ARPC5L: variants seen among roughly 807,000 people sequenced by gnomAD.
ARPC5L encodes actin-related protein 2/3 complex subunit 5-like protein.
ARPC5L carries 4 observed loss-of-function variants against 16.9 expected under a neutral mutation model. The observed-to-expected ratio is 0.24, with a 90% CI of 0.12 to 0.54. ARPC5L has a LOEUF of 0.54. Among genes scored for constraint, ARPC5L ranks in the 20% least tolerant of loss-of-function variants. The pLI is 0.95. For synonymous variants in ARPC5L, 78 were observed against 82.6 expected (o/e 0.94, Z 0.30); for missense variants, 151 against 201.9 (o/e 0.75, Z 1.53).
intron 2 of ARPC5L, 40 bp from the exon 3 acceptor site, chr9:124,868,388 G>A (rs1047135966): frequency 6.6e-6 from 1 of 152,202 alleles, no homozygotes; most frequent in African/African-American, 2.4e-5. Flanking sequence ...GCACCTCAGA[G>A]TCGTCCTTGA....
At chr9:124,865,020 C>T (rs1411343680) in intron 2 of ARPC5L, among the ~76,000 whole-genome samples, 6 of 151,682 alleles carry the variant, frequency 4.0e-5, no homozygotes, top group African/African-American at 7.3e-5. Context: ...TTAGTAGAGA[C>T]GGCATTTCAC....
chr9:124,874,986 G>A lies in ARPC5L; in HGVS notation c.234G>A (p.Gln78=). 1 of 1,613,914 alleles carries A rather than the reference G, an allele frequency of 6.2e-7. No individual in the cohort carries two copies. Among genetic ancestry groups the A allele is most frequent in the South Asian group, 1.1e-5 (1 of 91,078 alleles). The change falls in exon 5 of 6, where the codon CAG becomes CAA. Residue 78 remains glutamine, a synonymous_variant. Coordinates refer to ENST00000353214, the MANE Select transcript of ARPC5L (RefSeq NM_030978.3). ...TKNQAVKERA[Q]GVVLKVLTNF... Reference sequence around the variant, plus strand: ...TTTTTCGTCTGCAGGAGCGAGCCCAGGGCGTGGTGCTGAAAGTGCTCACAA... The same window carrying A: ...TTTTTCGTCTGCAGGAGCGAGCCCAAGGCGTGGTGCTGAAAGTGCTCACAA...
intron 2 of ARPC5L, among the ~76,000 whole-genome samples, chr9:124,864,667 C>T (rs950724453): frequency 1.6e-4 from 24 of 151,594 alleles, no homozygotes; most frequent in African/African-American, 4.6e-4. Flanking sequence ...TGTGAGCTGC[C>T]GCGCCTGGCC....
Position 124,876,402 on chromosome 9 carries a change from G to A in ARPC5L, c.400-476G>A, listed in dbSNP as rs534071804. ...CTCGGGAGGCTGAGGCAGGAGAAGC[G>A]CTTGAACTGGGGAGGCAGGGTTGCA... On this transcript the variant is annotated intron_variant, in intron 5 of 5. Coordinates refer to ENST00000353214, the MANE Select transcript of ARPC5L (RefSeq NM_030978.3). 1.2e-4 allele frequency among the ~76,000 whole-genome samples: 18 copies of A among 152,080 alleles called. 1 individual carries two copies. In the South Asian group the frequency reaches 2.7e-3, roughly 23 times the overall value.
chr9:124,869,243 A>G lies in ARPC5L; in HGVS notation c.-48A>G, dbSNP rs925133035. On this transcript the variant is annotated 5_prime_UTR_variant, in exon 3 of 6. Transcript: ENST00000353214. ...AGCCGGTGCGAGCGGAGCAGAGCCG[A>G]GGTCGGGCCGCGAGCGGAGCCGGCT... is the stretch of plus-strand genomic sequence containing the variant. The G allele has an allele frequency of 4.7e-6, 7 of 1,478,800 alleles. No individual in the cohort carries two copies. In the Admixed American group the frequency reaches 9.5e-5, roughly 20 times the overall value. The allele number at this position is 1,478,800 out of a possible 1,614,324, so 91.6% of individuals were successfully genotyped here. A position where few individuals can be genotyped will look rare whatever the true frequency, so the allele number is the denominator to read the frequency against.
intron 3 of ARPC5L, among the ~76,000 whole-genome samples, chr9:124,871,042 A>G (rs1829349815): frequency 6.6e-6 from 1 of 152,176 alleles, no homozygotes; most frequent in African/African-American, 2.4e-5. Flanking sequence ...CCTGGCAAAT[A>G]CGGGGCCCAG....
intron 2 of ARPC5L, among the ~76,000 whole-genome samples, chr9:124,867,144 T>G (rs1829280964): frequency 1.4e-5 from 2 of 141,372 alleles, no homozygotes; most frequent in South Asian, 4.8e-4. Flanking sequence ...GGGACACCTT[T>G]TTTTTTTTTT....
intron 2 of ARPC5L, among the ~76,000 whole-genome samples, chr9:124,866,228 A>G (rs1417174512): frequency 6.6e-6 from 1 of 151,614 alleles, no homozygotes; most frequent in African/African-American, 2.4e-5. Context: ...ACATGGTGAA[A>G]CCCTGTCTCT....
chr9:124,863,686 T>G (rs1829234871), intron 1 of ARPC5L, among the ~76,000 whole-genome samples: 2 of 152,202 alleles, frequency 1.3e-5, no homozygotes, highest in East Asian at 3.8e-4. Flanking sequence ...AAGGAACACT[T>G]CAGTAGAGCC....
chr9:124,867,222 A>G (rs969936448), intron 2 of ARPC5L, among the ~76,000 whole-genome samples: 2 of 148,348 alleles, frequency 1.3e-5, no homozygotes, highest in African/African-American at 5.0e-5. Context: ...GCTCACTGCA[A>G]CCTCTGCCTC....
At chr9:124,876,777 C>T (rs940432344) in intron 5 of ARPC5L, 101 bp from the exon 6 acceptor site, 30 of 903,278 alleles carry the variant, frequency 3.3e-5, no homozygotes, top group African/African-American at 8.5e-5. Flanking sequence ...GGATCTGTGA[C>T]GGGATCTAGG....
chr9:124,875,282 C>A (rs1415332386), intron 5 of ARPC5L, 131 bp downstream of exon 5: 1 of 1,021,752 alleles, frequency 9.8e-7, no homozygotes, highest in Non-Finnish European at 1.4e-6. Context: ...GAGCCCCAAC[C>A]TGGGACATGT....
chr9:124,875,208 T>A, intron 5 of ARPC5L, 57 bp downstream of exon 5: 1 of 1,571,732 alleles, frequency 6.4e-7, no homozygotes, highest in South Asian at 1.2e-5. Context: ...TGGGGTTCGA[T>A]CAGCAGGCCA....
chr9:124,870,228 C>G (rs1460383039), intron 3 of ARPC5L, among the ~76,000 whole-genome samples: 2 of 152,180 alleles, frequency 1.3e-5, no homozygotes, highest in Non-Finnish European at 2.9e-5. Flanking sequence ...AGTGGAGCCC[C>G]ACGCCTGGAA....
At chr9:124,875,901 G>A (rs1182083392) in intron 5 of ARPC5L, among the ~76,000 whole-genome samples, 1 of 152,198 alleles carries the variant, frequency 6.6e-6, no homozygotes, top group African/African-American at 2.4e-5. Flanking sequence ...AGGTGGTGTG[G>A]GTGCTGGGCT....
At position 124,863,453 on chromosome 9, in the gene ARPC5L, G is replaced by A. The variant is rs550437303; in HGVS notation, c.-983-535G>A. Among the ~76,000 whole-genome samples the A allele has an allele frequency of 1.1e-4, 17 of 152,280 alleles. No homozygotes were observed. In the South Asian group the frequency reaches 1.7e-3, roughly 15 times the overall value. ...TGAGCCACTGCGCCCGGCTAGTACA[G>A]CCTTTTTTAAAGTGAACCTGACCAG... On this transcript the variant is annotated intron_variant, in intron 1 of 5. Transcript: ENST00000353214.
At chr9:124,876,446 A>T (rs934673409) in intron 5 of ARPC5L, among the ~76,000 whole-genome samples, 10 of 152,138 alleles carry the variant, frequency 6.6e-5, no homozygotes, top group Non-Finnish European at 1.0e-4. Context: ...AGATCGTGCC[A>T]TTGCACTCCA....
At chr9:124,875,252 G>A (rs1273842284) in intron 5 of ARPC5L, 101 bp downstream of exon 5, 12 of 1,344,004 alleles carry the variant, frequency 8.9e-6, no homozygotes, top group Admixed American at 2.2e-5. Flanking sequence ...CGGTCTGATA[G>A]GCGTGTGGGG....
intron 3 of ARPC5L, among the ~76,000 whole-genome samples, chr9:124,871,771 C>T (rs1045717087): frequency 2.0e-5 from 3 of 152,088 alleles, no homozygotes; most frequent in African/African-American, 7.2e-5. Context: ...TTCCCCTCCA[C>T]CCCCAGGAAA....
Sources: allele counts gnomAD v4.1 joint callset (sites outside exome capture counted in the v4.1 genomes callset), GRCh38; gene constraint gnomAD v4.1.1; transcripts MANE v1.5; gene names NCBI Gene and HGNC (gene_info 2026-07-23, HGNC 2026-07-21).